The following LSAMP variants were observed in gnomAD, a reference collection of about 807,000 sequenced individuals.
LSAMP encodes the protein limbic system associated membrane protein.
A neutral mutation model predicts 38.6 loss-of-function variants in LSAMP; 7 were observed. That is an observed-to-expected ratio of 0.18 (90% CI 0.10 to 0.34). LSAMP has a LOEUF of 0.34. Ranked by LOEUF, LSAMP falls within the 10% of genes least tolerant of loss-of-function variation. The probability of loss-of-function intolerance (pLI) is 1.00; values close to 1 mark genes in which losing one functional copy is unlikely to be tolerated. For synonymous variants in LSAMP, 154 were observed against 166.8 expected, an observed-to-expected ratio of 0.92 and a Z score of 0.59; for missense variants, 313 against 420.0, an observed-to-expected ratio of 0.75 and a Z score of 2.23.
intron 1 of LSAMP, among the ~76,000 whole-genome samples, chr3:116,158,398 G>A (rs767129661): frequency 6.6e-6 from 1 of 152,106 alleles, no homozygotes; most frequent in Non-Finnish European, 1.5e-5. Context: ...CAAATAGGAA[G>A]TCAAAGTATC....
intron 3 of LSAMP, among the ~76,000 whole-genome samples, chr3:115,872,826 A>T (rs1189652466): frequency 1.3e-5 from 2 of 152,164 alleles, no homozygotes; most frequent in African/African-American, 4.8e-5. Flanking sequence ...GTGGGAAAGG[A>T]GAAGAGAACT....
chr3:116,178,607 G>T (rs953778694), intron 1 of LSAMP, among the ~76,000 whole-genome samples: 1 of 152,104 alleles, frequency 6.6e-6, no homozygotes, highest in Non-Finnish European at 1.5e-5. Flanking sequence ...TGCTAAGAAG[G>T]ACTAGGATGG....
chr3:116,421,349 C>T (rs961684351), intron 1 of LSAMP, among the ~76,000 whole-genome samples: 3 of 152,078 alleles, frequency 2.0e-5, no homozygotes, highest in Non-Finnish European at 4.4e-5. Context: ...GCGGGTGGAT[C>T]ACCTGGGGTC....
intron 3 of LSAMP, among the ~76,000 whole-genome samples, chr3:115,882,612 A>G (rs1201096796): frequency 6.6e-6 from 1 of 152,068 alleles, no homozygotes; most frequent in African/African-American, 2.4e-5. Context: ...CTATTTAAGT[A>G]CTCTTGTTAA....
intron 1 of LSAMP, 105 bp from the exon 2 acceptor site, chr3:116,086,661 T>A: frequency 1.2e-6 from 1 of 830,922 alleles, no homozygotes; most frequent in Non-Finnish European, 2.0e-6. Flanking sequence ...AATAATTATA[T>A]GCAGAATGAA....
intron 1 of LSAMP, among the ~76,000 whole-genome samples, chr3:116,256,908 T>C (rs1166935228): frequency 2.6e-5 from 4 of 152,324 alleles, no homozygotes; most frequent in Admixed American, 1.3e-4. Context: ...AGTCCTATTT[T>C]ACCTTTCTTT....
At chr3:115,909,036 T>A (rs1001277940) in intron 3 of LSAMP, among the ~76,000 whole-genome samples, 1 of 152,216 alleles carries the variant, frequency 6.6e-6, no homozygotes, top group African/African-American at 2.4e-5. Flanking sequence ...ACTTAGAGAC[T>A]AATTCTGAAA....
chr3:116,372,865 T>TAAA (rs565195504), intron 1 of LSAMP, among the ~76,000 whole-genome samples: 177 of 141,400 alleles, frequency 1.3e-3, no homozygotes, highest in African/African-American at 4.2e-3. Flanking sequence ...TAGCTGCTAT[T>TAAA]AAAAAAAAAA....
At chr3:116,338,416 A>G (rs2047950217) in intron 1 of LSAMP, among the ~76,000 whole-genome samples, 1 of 152,006 alleles carries the variant, frequency 6.6e-6, no homozygotes, top group Non-Finnish European at 1.5e-5. Flanking sequence ...GTTCCTTTAT[A>G]GTCTCTTCTC....
chr3:116,356,017 G>T (rs1226569295), intron 1 of LSAMP, among the ~76,000 whole-genome samples: 2 of 152,160 alleles, frequency 1.3e-5, no homozygotes, highest in Non-Finnish European at 2.9e-5. Context: ...GAATAGTTCA[G>T]AGGTTCCTCA....
At chr3:116,117,758 G>A (rs1236766953) in intron 1 of LSAMP, among the ~76,000 whole-genome samples, 1 of 152,050 alleles carries the variant, frequency 6.6e-6, no homozygotes, top group Non-Finnish European at 1.5e-5. Flanking sequence ...GTGTCTTTGG[G>A]AGGAAACCAC....
At chr3:116,119,640 A>T (rs1708830587) in intron 1 of LSAMP, among the ~76,000 whole-genome samples, 1 of 151,292 alleles carries the variant, frequency 6.6e-6, no homozygotes, top group Non-Finnish European at 1.5e-5. Context: ...AAGGCTAAAG[A>T]GATAATTTCT....
At chr3:116,174,101 C>A (rs989167161) in intron 1 of LSAMP, among the ~76,000 whole-genome samples, 1 of 151,926 alleles carries the variant, frequency 6.6e-6, no homozygotes, top group Non-Finnish European at 1.5e-5. Context: ...GTTTAGCTGC[C>A]TTTGGACATT....
At chr3:116,078,236 T>A (rs967023374) in intron 2 of LSAMP, among the ~76,000 whole-genome samples, 1 of 151,920 alleles carries the variant, frequency 6.6e-6, no homozygotes, top group African/African-American at 2.4e-5. Context: ...TCATTCCTTC[T>A]ATTAGTTAGC....
intron 2 of LSAMP, among the ~76,000 whole-genome samples, chr3:116,043,541 C>T (rs1941219571): frequency 6.6e-6 from 1 of 152,122 alleles, no homozygotes; most frequent in Admixed American, 6.5e-5. Context: ...AAATGCTATC[C>T]AACAAAACTT....
chr3:115,817,404 C>T (rs1401679638), intron 6 of LSAMP, among the ~76,000 whole-genome samples: 1 of 152,122 alleles, frequency 6.6e-6, no homozygotes, highest in Non-Finnish European at 1.5e-5. Context: ...AATACTGTAT[C>T]CCTAGTGCTT....
rs111598711 is a variant in LSAMP at position 116,202,559 on chromosome 3, C to T, written c.156-116003G>A. ...ACCCAGGCTCGAATTATTGTTCCAT[C>T]TCAGCCTCCCAAGTAGCTAGGACTA... On this transcript the variant is annotated intron_variant, in intron 1 of 6. Coordinates refer to ENST00000490035, the MANE Select transcript of LSAMP (RefSeq NM_002338.5). Among the ~76,000 whole-genome samples the T allele has an allele frequency of 4.3e-3, 661 of 152,180 alleles. 7 individuals carry two copies. The highest frequency in any genetic ancestry group is 0.015 in the African/African-American group (623 of 41,516).
At chr3:116,265,541 T>C (rs1482613195) in intron 1 of LSAMP, among the ~76,000 whole-genome samples, 1 of 152,176 alleles carries the variant, frequency 6.6e-6, no homozygotes, top group Non-Finnish European at 1.5e-5. Context: ...GCTCTGGCCA[T>C]AAGAATCTAA....
intron 1 of LSAMP, among the ~76,000 whole-genome samples, chr3:116,436,387 G>A (rs1173944959): frequency 6.6e-6 from 1 of 152,072 alleles, no homozygotes; most frequent in East Asian, 1.9e-4. Context: ...ACAGCAAAAG[G>A]AACAGTCAGC....
Sources: allele counts gnomAD v4.1 joint callset (sites outside exome capture counted in the v4.1 genomes callset), GRCh38; gene constraint gnomAD v4.1.1; transcripts MANE v1.5; gene names NCBI Gene and HGNC (gene_info 2026-07-23, HGNC 2026-07-21).